The following FBXL20 variants were observed in gnomAD, a reference collection of about 807,000 sequenced individuals.
FBXL20 encodes F-box/LRR-repeat protein 20.
FBXL20 carries 11 observed loss-of-function variants against 64.0 expected under a neutral mutation model. The ratio of observed to expected loss-of-function variants is 0.17; its 90% CI spans 0.11 to 0.28. FBXL20 has a LOEUF of 0.28. Among genes scored for constraint, FBXL20 ranks in the 10% least tolerant of loss-of-function variants. The pLI is 1.00. For missense variants in FBXL20, 303 were observed against 526.2 expected, an observed-to-expected ratio of 0.58 and a Z score of 4.15; for synonymous variants, 184 against 189.0, an observed-to-expected ratio of 0.97 and a Z score of 0.22.
chr17:39,348,895 A>C (rs1170219135), intron 1 of FBXL20, among the ~76,000 whole-genome samples: 1 of 151,938 alleles, frequency 6.6e-6, no homozygotes, highest in Non-Finnish European at 1.5e-5. Context: ...GGGTCTCACT[A>C]TGTTGCCCAA....
chr17:39,392,492 A>G (rs907148112), intron 1 of FBXL20, among the ~76,000 whole-genome samples: 4 of 152,002 alleles, frequency 2.6e-5, no homozygotes, highest in Non-Finnish European at 2.9e-5. Flanking sequence ...CTCTTTTTCA[A>G]TAAGTGCAAT....
At chr17:39,359,700 A>G (rs973943773) in intron 1 of FBXL20, among the ~76,000 whole-genome samples, 2 of 152,202 alleles carry the variant, frequency 1.3e-5, no homozygotes, top group East Asian at 3.8e-4. Flanking sequence ...TGGGAATGGA[A>G]AATGGTGTGG....
chr17:39,358,326 C>T (rs1477578192), intron 1 of FBXL20, among the ~76,000 whole-genome samples: 1 of 152,154 alleles, frequency 6.6e-6, no homozygotes, highest in Non-Finnish European at 1.5e-5. Flanking sequence ...CCACAAACAC[C>T]CTCACAGACA....
chr17:39,278,523 A>C (rs1341082719), intron 9 of FBXL20, among the ~76,000 whole-genome samples: 1 of 147,072 alleles, frequency 6.8e-6, no homozygotes, highest in Admixed American at 6.8e-5. Context: ...ACTGTGGTTG[A>C]TCTCTCAGGA....
At chr17:39,370,806 A>G (rs1477470833) in intron 1 of FBXL20, among the ~76,000 whole-genome samples, 2 of 151,744 alleles carry the variant, frequency 1.3e-5, no homozygotes, top group African/African-American at 2.4e-5. Context: ...AAAAAAAAAA[A>G]AAAAGAAAAG....
intron 7 of FBXL20, 31 bp from the exon 8 acceptor site, chr17:39,282,886 T>C (rs377503075): frequency 1.5e-5 from 24 of 1,612,066 alleles, no homozygotes; most frequent in Non-Finnish European, 2.0e-5. Context: ...GAGAAACATA[T>C]CACTAAATCC....
At chr17:39,394,157 C>T (rs2048160511) in intron 1 of FBXL20, among the ~76,000 whole-genome samples, 1 of 152,040 alleles carries the variant, frequency 6.6e-6, no homozygotes, top group Non-Finnish European at 1.5e-5. Flanking sequence ...AATTTGGTCA[C>T]TTTAAGGGCT....
At chr17:39,390,770 C>T (rs1401479618) in intron 1 of FBXL20, among the ~76,000 whole-genome samples, 3 of 152,042 alleles carry the variant, frequency 2.0e-5, no homozygotes, top group Non-Finnish European at 4.4e-5. Flanking sequence ...ATTAGTAGGC[C>T]AAGTACAGTG....
intron 2 of FBXL20, among the ~76,000 whole-genome samples, chr17:39,342,854 C>T (rs2047596164): frequency 1.3e-5 from 2 of 152,146 alleles, no homozygotes; most frequent in African/African-American, 2.4e-5. Context: ...TGCACTCCAG[C>T]CTGGATGACA....
chr17:39,385,289 A>G (rs536521097), intron 1 of FBXL20, among the ~76,000 whole-genome samples: 2 of 151,844 alleles, frequency 1.3e-5, no homozygotes, highest in African/African-American at 4.9e-5. Context: ...TGCACTCCAG[A>G]CTGGGCAACA....
chr17:39,286,233 T>C (rs1409137423), intron 6 of FBXL20, among the ~76,000 whole-genome samples: 5 of 152,188 alleles, frequency 3.3e-5, no homozygotes, highest in Non-Finnish European at 7.3e-5. Context: ...GTTTTTCTTT[T>C]TGAGACAATC....
chr17:39,379,001 G>A (rs1170829723), intron 1 of FBXL20, among the ~76,000 whole-genome samples: 3 of 150,624 alleles, frequency 2.0e-5, no homozygotes, highest in African/African-American at 7.3e-5. Flanking sequence ...GCCGAGGCGG[G>A]CAGATCACCT....
At chr17:39,373,102 T>A (rs2047934325) in intron 1 of FBXL20, among the ~76,000 whole-genome samples, 2 of 152,128 alleles carry the variant, frequency 1.3e-5, no homozygotes, top group South Asian at 4.1e-4. Context: ...CCTACCCATT[T>A]TTAATGCTCA....
At chr17:39,342,838 C>T (rs1405376026) in intron 2 of FBXL20, among the ~76,000 whole-genome samples, 1 of 152,142 alleles carries the variant, frequency 6.6e-6, no homozygotes, top group East Asian at 1.9e-4. Flanking sequence ...GCCGTGATTG[C>T]GCCACTGCAC....
chr17:39,331,832 T>TA (rs2047464313), intron 2 of FBXL20, among the ~76,000 whole-genome samples: 1 of 152,252 alleles, frequency 6.6e-6, no homozygotes, highest in Non-Finnish European at 1.5e-5. Context: ...CCCTGCACTG[T>TA]AATGGTTTGA....
chr17:39,381,035 C>T (rs1270929602), intron 1 of FBXL20, among the ~76,000 whole-genome samples: 1 of 152,048 alleles, frequency 6.6e-6, no homozygotes, highest in Admixed American at 6.6e-5. Context: ...TGGCAGGCAC[C>T]TGTAATCCCA....
chr17:39,316,525 T>C (rs2047294023), intron 2 of FBXL20, among the ~76,000 whole-genome samples: 1 of 152,162 alleles, frequency 6.6e-6, no homozygotes, highest in African/African-American at 2.4e-5. Context: ...CAAAGAATGA[T>C]GGGGACACGT....
intron 1 of FBXL20, among the ~76,000 whole-genome samples, chr17:39,345,502 A>G (rs568522196): frequency 6.6e-6 from 1 of 152,298 alleles, no homozygotes; most frequent in South Asian, 2.1e-4. Flanking sequence ...GGGAAGTCAC[A>G]GATAAAATGC....
Position 39,264,497 on chromosome 17 carries a change from T to C in FBXL20, c.991-110A>G, listed in dbSNP as rs922420453. ...CATTTTGGTTTGATTTTGATGAATATGGAGCTGGCACTAGATCCACGTGGT... is the reference window on the plus strand; with the variant it reads ...CATTTTGGTTTGATTTTGATGAATACGGAGCTGGCACTAGATCCACGTGGT... On this transcript the variant is annotated intron_variant, in intron 13 of 14. Coordinates refer to ENST00000264658, the MANE Select transcript of FBXL20 (RefSeq NM_032875.3). 86 of 1,168,342 alleles carry C rather than the reference T, an allele frequency of 7.4e-5. No individual in the cohort carries two copies. In the African/African-American group the frequency reaches 1.2e-3, roughly 16 times the overall value. 72.4% of individuals were successfully genotyped at this position (1,168,342 alleles called of 1,614,324 possible).
Sources: allele counts gnomAD v4.1 joint callset (sites outside exome capture counted in the v4.1 genomes callset), GRCh38; gene constraint gnomAD v4.1.1; transcripts MANE v1.5; gene names NCBI Gene and HGNC (gene_info 2026-07-23, HGNC 2026-07-21).